TMX3: variants seen among roughly 807,000 people sequenced by gnomAD.
TMX3 encodes the protein protein disulfide-isomerase TMX3.
Under a neutral mutation model 64.4 loss-of-function variants are expected in TMX3, and 40 were observed. The observed-to-expected ratio is 0.62, with a 90% CI of 0.48 to 0.81. TMX3 has a LOEUF of 0.81. Ranked by LOEUF, TMX3 falls within the 30% of genes least tolerant of loss-of-function variation. TMX3 has a pLI of 0.00. For missense variants in TMX3, 497 were observed against 534.5 expected, an observed-to-expected ratio of 0.93 and a Z score of 0.69; for synonymous variants, 189 against 175.7, an observed-to-expected ratio of 1.08 and a Z score of -0.60.
intron 4 of TMX3, among the ~76,000 whole-genome samples, chr18:68,705,208 T>A (rs1480399251): frequency 6.6e-6 from 1 of 152,190 alleles, no homozygotes; most frequent in East Asian, 1.9e-4. Flanking sequence ...TGCACAGGAT[T>A]CCTCCTCCCA....
In TMX3 at chr18:68,710,095, T is replaced by A; in HGVS notation, c.191A>T (p.Asn64Ile). 6.2e-7 allele frequency: 1 copy of A among 1,603,572 alleles called. No homozygotes were observed. Among genetic ancestry groups the A allele is most frequent in the South Asian group, 1.1e-5 (1 of 89,002 alleles). ...GHCKKLEPIW[N>I]EVGLEMKSIG... The stretch of plus-strand genomic sequence containing the variant: ...GCTTTTCATCTCAAGACCAACTTCA[T>A]TCCAAATTGGTTCCAGCTTTTTACA... Residue 64 changes from asparagine to isoleucine, a missense_variant, in exon 4 of 16, where the codon AAT (asparagine) becomes ATT (isoleucine). Asn to Ile is a moderately radical substitution (Grantham distance 149). Coordinates refer to ENST00000299608, the MANE Select transcript of TMX3 (RefSeq NM_019022.5).
chr18:68,703,420 G>A (rs1391692250), intron 4 of TMX3, among the ~76,000 whole-genome samples: 2 of 152,116 alleles, frequency 1.3e-5, no homozygotes, highest in African/African-American at 4.8e-5. Context: ...CACTGGTCAT[G>A]CTTCATAGCC....
At chr18:68,681,844 T>C (rs940309909) in intron 13 of TMX3, among the ~76,000 whole-genome samples, 1 of 152,128 alleles carries the variant, frequency 6.6e-6, no homozygotes, top group Non-Finnish European at 1.5e-5. Flanking sequence ...GATTTCCCCA[T>C]CTTCATTTAG....
intron 4 of TMX3, among the ~76,000 whole-genome samples, chr18:68,702,137 C>A (rs2145103546): frequency 2.0e-5 from 2 of 102,494 alleles, no homozygotes; most frequent in African/African-American, 7.7e-5. Context: ...ACTTCATGTC[C>A]AAGACAAATA....
intron 13 of TMX3, chr18:68,681,403 T>C: frequency 2.2e-6 from 2 of 895,684 alleles, no homozygotes; most frequent in Non-Finnish European, 2.7e-6. Flanking sequence ...AAAATTCCTA[T>C]GGGTGGTCTG....
chr18:68,693,599 C>G (rs1042266843), intron 8 of TMX3, among the ~76,000 whole-genome samples: 2 of 152,122 alleles, frequency 1.3e-5, no homozygotes, highest in Admixed American at 1.3e-4. Context: ...CGTGCCAGCT[C>G]CCAACAGTGC....
At chr18:68,679,653 A>G (rs1568178324) in intron 14 of TMX3, 122 bp from the exon 15 acceptor site, 2 of 732,410 alleles carry the variant, frequency 2.7e-6, no homozygotes, top group Non-Finnish European at 4.4e-6. Flanking sequence ...ATCACCTGAA[A>G]AGGCCATGTG....
At chr18:68,708,994 T>C (rs547767770) in intron 4 of TMX3, among the ~76,000 whole-genome samples, 2 of 152,222 alleles carry the variant, frequency 1.3e-5, no homozygotes, top group South Asian at 2.1e-4. Context: ...CAAAGTAAAA[T>C]TGCTGATTTC....
intron 14 of TMX3, among the ~76,000 whole-genome samples, chr18:68,679,869 G>A (rs1913254096): frequency 1.3e-5 from 2 of 152,132 alleles, no homozygotes; most frequent in African/African-American, 4.8e-5. Flanking sequence ...GCTGCTGCAG[G>A]ATACCTTTGC....
At chr18:68,710,206 T>A in intron 3 of TMX3, 62 bp from the exon 4 acceptor site, 2 of 1,345,674 alleles carry the variant, frequency 1.5e-6, no homozygotes, top group Non-Finnish European at 2.0e-6. Flanking sequence ...TGTGCTACAG[T>A]AAATATGAAT....
intron 10 of TMX3, among the ~76,000 whole-genome samples, chr18:68,686,369 G>C (rs1006465962): frequency 6.6e-6 from 1 of 152,154 alleles, no homozygotes; most frequent in African/African-American, 2.4e-5. Flanking sequence ...TACAAAGCAA[G>C]ACTACTATAT....
intron 8 of TMX3, among the ~76,000 whole-genome samples, chr18:68,692,154 C>G (rs77677285): frequency 0.047 from 7,194 of 152,194 alleles, 454 homozygotes; most frequent in African/African-American, 0.14. Context: ...ATGAAAATAA[C>G]AATTTTAAGG....
intron 4 of TMX3, among the ~76,000 whole-genome samples, chr18:68,702,123 T>G (rs2030150186): frequency 6.7e-6 from 1 of 148,446 alleles, no homozygotes; most frequent in Admixed American, 6.7e-5. Context: ...GTACTTCTCA[T>G]TTGACTTCAT....
intron 2 of TMX3, among the ~76,000 whole-genome samples, chr18:68,712,352 A>T (rs2031369292): frequency 6.6e-6 from 1 of 151,152 alleles, no homozygotes; most frequent in African/African-American, 2.5e-5. Flanking sequence ...GGGTCTGACA[A>T]GCAAGCAGCT....
At chr18:68,679,929 A>G (rs920611228) in intron 14 of TMX3, among the ~76,000 whole-genome samples, 40 of 152,306 alleles carry the variant, frequency 2.6e-4, no homozygotes, top group African/African-American at 9.4e-4. Flanking sequence ...AAGGGAAGAG[A>G]GTGAAAAATT....
intron 4 of TMX3, among the ~76,000 whole-genome samples, chr18:68,702,165 T>C (rs891662089): frequency 8.7e-5 from 12 of 137,556 alleles, no homozygotes; most frequent in Non-Finnish European, 3.0e-5. Flanking sequence ...TAGGTCTCAT[T>C]TACTCCTCTC....
intron 1 of TMX3, chr18:68,714,128 A>G: frequency 3.5e-6 from 1 of 289,534 alleles, no homozygotes; most frequent in East Asian, 5.8e-5. Flanking sequence ...AGGTAAGCCA[A>G]TAAATCTAAT....
chr18:68,696,889 C>G (rs986552506), intron 8 of TMX3: 2 of 208,232 alleles, frequency 9.6e-6, no homozygotes, highest in Non-Finnish European at 9.7e-6. Flanking sequence ...CACACACACA[C>G]ACACACACAC....
At chr18:68,692,348 T>C (rs768503499) in intron 8 of TMX3, among the ~76,000 whole-genome samples, 3 of 152,328 alleles carry the variant, frequency 2.0e-5, no homozygotes, top group Middle Eastern at 6.8e-3. Flanking sequence ...TGCAGCCATC[T>C]AGTCTCACAT....
Sources: allele counts gnomAD v4.1 joint callset (sites outside exome capture counted in the v4.1 genomes callset), GRCh38; gene constraint gnomAD v4.1.1; transcripts MANE v1.5; gene names NCBI Gene and HGNC (gene_info 2026-07-23, HGNC 2026-07-21).